Variants in NLRP14 observed in about 807,000 individuals in gnomAD.
The protein encoded by NLRP14 is NACHT, LRR and PYD domains-containing protein 14.
Under a neutral mutation model 94.7 loss-of-function variants are expected in NLRP14, and 105 were observed. The ratio of observed to expected loss-of-function variants is 1.11; its 90% CI spans 0.95 to 1.30. NLRP14 has a LOEUF of 1.30. NLRP14 is among the 50% of genes most tolerant of loss of function. The pLI is 0.00. For missense variants in NLRP14, 1,362 were observed against 1,254.1 expected, an observed-to-expected ratio of 1.09 and a Z score of -1.30; for synonymous variants, 508 against 459.9, an observed-to-expected ratio of 1.10 and a Z score of -1.34.
At chr11:7,089,189 C>T in the NLRP14 span, 3 of 1,613,998 alleles carry the variant, frequency 1.9e-6, no homozygotes, top group Admixed American at 3.3e-5. Context: ...ACGAGAAAGC[C>T]CTCGAAGCCG....
chr11:7,085,469 T>C, the NLRP14 span, among the ~76,000 whole-genome samples: 1 of 152,242 alleles, frequency 6.6e-6, no homozygotes, highest in Non-Finnish European at 1.5e-5. Context: ...ATAAGTAAAA[T>C]CATACAGTAT....
intron 1 of NLRP14, among the ~76,000 whole-genome samples, chr11:7,022,519 G>T (rs1384450994): frequency 6.6e-6 from 1 of 152,186 alleles, no homozygotes; most frequent in Non-Finnish European, 1.5e-5. Flanking sequence ...GACAGCAAGG[G>T]ATTTAGGGGC....
intron 2 of NLRP14, among the ~76,000 whole-genome samples, chr11:7,039,430 T>C (rs1852214265): frequency 6.6e-6 from 1 of 151,966 alleles, no homozygotes; most frequent in Non-Finnish European, 1.5e-5. Context: ...CGTAGTGAAG[T>C]CAGTATAGAC....
chr11:7,038,748 G>A lies in NLRP14; in HGVS notation c.162G>A (p.Arg54=). Residue 54 remains arginine (R), a synonymous_variant, in exon 2 of 12, where the codon AGG becomes AGA. Coordinates refer to ENST00000299481, the MANE Select transcript of NLRP14 (RefSeq NM_176822.4). ...LTPWNEVKKA[R]REDLANLMKK... is the part of the protein sequence containing the mutation. ...CCTGGAATGAAGTGAAGAAGGCCAG[G>A]CGGGAGGACCTGGCCAATTTGATGA... 2.5e-6 allele frequency: 4 copies of A among 1,614,042 alleles called. No individual in the cohort carries two copies. Among genetic ancestry groups the A allele is most frequent in the Admixed American group, 3.3e-5 (2 of 60,006 alleles).
intron 6 of NLRP14, among the ~76,000 whole-genome samples, chr11:7,054,841 C>T (rs1474691100): frequency 6.6e-6 from 1 of 152,038 alleles, no homozygotes; most frequent in Admixed American, 6.6e-5. Flanking sequence ...GCTTTGGTTG[C>T]CTATGCTTGT....
the NLRP14 span, among the ~76,000 whole-genome samples, chr11:7,084,626 T>C: frequency 6.6e-6 from 1 of 152,210 alleles, no homozygotes; most frequent in Admixed American, 6.5e-5. Context: ...TCCAGCTTCA[T>C]GGGTCAGAAG....
At chr11:7,044,035 A>C (rs751880983) in intron 4 of NLRP14, 51 bp downstream of exon 4, 1 of 1,567,084 alleles carries the variant, frequency 6.4e-7, no homozygotes, top group Non-Finnish European at 8.8e-7. Context: ...GGAGAGACGT[A>C]GATATTTGTC....
Position 7,057,774 on chromosome 11 carries a change from A to T in NLRP14, c.2389A>T (p.Asn797Tyr). 1 of 1,612,206 alleles carries T rather than the reference A, an allele frequency of 6.2e-7. No individual in the cohort carries two copies. Among genetic ancestry groups the T allele is most frequent in the Non-Finnish European group, 8.5e-7 (1 of 1,178,418 alleles). ...GATATTTCTGAATCTGTCAACCAAT[A>T]ATCTGTTGGATGATGGAGTGCAGCT... Reference protein sequence around the residue: ...SLIFLNLSTNNLLDDGVQLLC... With the variant: ...SLIFLNLSTNYLLDDGVQLLC... The change falls in exon 7 of 12, where the codon AAT (asparagine) becomes TAT (tyrosine). Residue 797 changes from asparagine to tyrosine, a missense_variant. Coordinates refer to ENST00000299481, the MANE Select transcript of NLRP14 (RefSeq NM_176822.4).
rs1001706458 is a variant in NLRP14, at chr11:7,023,339, A to T, written c.-22+2569A>T. Among the ~76,000 whole-genome samples the T allele has an allele frequency of 2.5e-3, 365 of 147,070 alleles. 3 individuals carry two copies. The highest frequency in any genetic ancestry group is 8.7e-3 in the African/African-American group (357 of 40,818). ...TTTTATAAAATAAAATTTTAAATAT[A>T]TAATTTTAATTATATTACATATATA... On this transcript the variant is annotated intron_variant, in intron 1 of 11. Coordinates refer to ENST00000299481, the MANE Select transcript of NLRP14 (RefSeq NM_176822.4).
chr11:7,087,757 G>A, the NLRP14 span, among the ~76,000 whole-genome samples: 2 of 152,024 alleles, frequency 1.3e-5, no homozygotes, highest in African/African-American at 2.4e-5. Flanking sequence ...TACAAGAAAA[G>A]GCAAGAAAGA....
intron 11 of NLRP14, among the ~76,000 whole-genome samples, chr11:7,070,962 T>A (rs1185736572): frequency 1.3e-5 from 2 of 152,226 alleles, no homozygotes; most frequent in Admixed American, 6.5e-5. Flanking sequence ...CTCTTTCTCT[T>A]CTGTTAATTT....
chr11:7,030,654 G>T (rs1852077729), intron 1 of NLRP14, among the ~76,000 whole-genome samples: 1 of 152,150 alleles, frequency 6.6e-6, no homozygotes, highest in South Asian at 2.1e-4. Flanking sequence ...AGGGCTAGAT[G>T]AGCAAGACTT....
intron 10 of NLRP14, among the ~76,000 whole-genome samples, chr11:7,069,207 T>A (rs1375034684): frequency 1.3e-5 from 2 of 152,196 alleles, no homozygotes; most frequent in East Asian, 3.8e-4. Context: ...CTTTTTCCCC[T>A]AAGGAAGATT....
chr11:7,089,263 C>G, the NLRP14 span: 1 of 1,610,202 alleles, frequency 6.2e-7, no homozygotes, highest in Non-Finnish European at 8.5e-7. Context: ...ACCAACAAGT[C>G]GAGGGGCTTC....
At chr11:7,059,827 T>A in intron 8 of NLRP14, 67 bp from the exon 9 acceptor site, 1 of 1,350,066 alleles carries the variant, frequency 7.4e-7, no homozygotes, top group Non-Finnish European at 1.0e-6. Flanking sequence ...TGAAATCTCT[T>A]CAGAGAAAGA....
chr11:7,072,570 C>G (rs938407599), downstream of NLRP14, among the ~76,000 whole-genome samples: 1 of 152,206 alleles, frequency 6.6e-6, no homozygotes, highest in Non-Finnish European at 1.5e-5. Flanking sequence ...TTGATCCCTC[C>G]CTTGGGCGGG....
chr11:7,028,663 C>T (rs940045687), intron 1 of NLRP14, among the ~76,000 whole-genome samples: 3 of 152,110 alleles, frequency 2.0e-5, no homozygotes, highest in African/African-American at 7.2e-5. Flanking sequence ...TTTCTCATTT[C>T]CCCCCATTTC....
At position 7,043,077 on chromosome 11, in the gene NLRP14, A is replaced by G; in HGVS notation, c.1051A>G (p.Lys351Glu). 2.5e-6 allele frequency: 4 copies of G among 1,614,150 alleles called. No homozygotes were observed. The highest frequency in any genetic ancestry group is 1.3e-5 in the African/African-American group (1 of 75,048). The change falls in exon 4 of 12, where the codon AAA becomes GAA. Residue 351 changes from lysine to glutamate, a missense_variant. Transcript: ENST00000299481. ...QFFEDKRWAM[K>E]VFSSLKSNEM... ...TTTTGAAGATAAGAGGTGGGCCATG[A>G]AAGTATTCAGTTCACTAAAAAGCAA...
the NLRP14 span, among the ~76,000 whole-genome samples, chr11:7,088,791 AT>A: frequency 6.6e-6 from 1 of 152,090 alleles, no homozygotes; most frequent in South Asian, 2.1e-4. Flanking sequence ...ATAGAAAAAA[AT>A]TTTTTTCCAC....
Sources: allele counts gnomAD v4.1 joint callset (sites outside exome capture counted in the v4.1 genomes callset), GRCh38; gene constraint gnomAD v4.1.1; transcripts MANE v1.5; gene names NCBI Gene and HGNC (gene_info 2026-07-23, HGNC 2026-07-21).